The following BPTF variants were observed in gnomAD, a reference collection of about 807,000 sequenced individuals.
The protein encoded by BPTF is bromodomain PHD finger transcription factor, also known as nucleosome-remodeling factor subunit BPTF.
In BPTF, 18 loss-of-function variants were observed where a neutral mutation model predicts 292.5. That is an observed-to-expected ratio of 0.06 (90% CI 0.04 to 0.09). The LOEUF is 0.09. BPTF is among the 10% of genes least tolerant of loss of function. BPTF has a pLI of 1.00. For missense variants in BPTF, 2,726 were observed against 3,498.7 expected (o/e 0.78, Z 5.57); for synonymous variants, 1,225 against 1,251.9 (o/e 0.98, Z 0.45).
At chr17:67,870,927 G>T (rs926759414) in intron 3 of BPTF, among the ~76,000 whole-genome samples, 30 of 151,046 alleles carry the variant, frequency 2.0e-4, no homozygotes, top group African/African-American at 7.3e-4. Flanking sequence ...CCGCCACTAC[G>T]CCCGGCTAAT....
intron 19 of BPTF, among the ~76,000 whole-genome samples, chr17:67,943,049 A>C (rs1333786847): frequency 6.6e-6 from 1 of 152,168 alleles, no homozygotes. Flanking sequence ...CCTAAGATAC[A>C]TACCGAAGTA....
intron 18 of BPTF, among the ~76,000 whole-genome samples, chr17:67,939,641 G>T (rs1326075373): frequency 6.6e-6 from 1 of 152,194 alleles, no homozygotes; most frequent in Non-Finnish European, 1.5e-5. Flanking sequence ...ACTTTGGGAG[G>T]CCAAGGCGGG....
chr17:67,860,938 C>T (rs1282551739), intron 2 of BPTF, among the ~76,000 whole-genome samples: 1 of 152,158 alleles, frequency 6.6e-6, no homozygotes, highest in East Asian at 1.9e-4. Flanking sequence ...CTTTCTACTC[C>T]CCATTCTAGG....
At chr17:67,967,317 T>C (rs1555688071) in intron 26 of BPTF, among the ~76,000 whole-genome samples, 1 of 150,400 alleles carries the variant, frequency 6.6e-6, no homozygotes, top group East Asian at 2.1e-4. Context: ...AATTTTTATA[T>C]TTTTTGTAGA....
intron 12 of BPTF, among the ~76,000 whole-genome samples, chr17:67,919,176 TAATAA>T (rs2063259844): frequency 2.5e-5 from 1 of 40,260 alleles, no homozygotes; most frequent in Admixed American, 2.3e-4. Flanking sequence ...TGTCTCAAAA[TAATAA>T]TAATAATAAT....
chr17:67,925,267 C>T (rs1323609916), intron 15 of BPTF, among the ~76,000 whole-genome samples: 1 of 151,984 alleles, frequency 6.6e-6, no homozygotes, highest in East Asian at 1.9e-4. Flanking sequence ...TGGAAAATTT[C>T]TGTAGTCTAT....
At position 67,934,840 on chromosome 17, in the gene BPTF, C is replaced by T. The variant is rs1238572351; in HGVS notation, c.6259+2821C>T. Among the ~76,000 whole-genome samples, 7 of 129,944 alleles carry T rather than the reference C, an allele frequency of 5.4e-5. No individual in the cohort carries two copies. In the East Asian group the frequency reaches 1.6e-3, roughly 29 times the overall value. The allele number at this position is 129,944 out of a possible 152,430, so 85.2% of individuals were successfully genotyped here. ...TGAGCCAAGATGGTGCCATCGCACT[C>T]CAGCCTGAGCAATGAGCGAAACTCT... is the stretch of plus-strand genomic sequence containing the variant. On this transcript the variant is annotated intron_variant, in intron 18 of 27. Transcript: ENST00000306378.
Position 67,826,132 on chromosome 17 carries a change from A to AGAG in BPTF, c.414_416dup (p.Glu138dup), listed in dbSNP as rs2055997364. ...ACCACGAGAGCGAGGAGGAGGAGGA[A>AGAG]GAGGAGGACATGGTCTCCGAGGAGG... is the stretch of plus-strand genomic sequence containing the variant. On this transcript the variant is annotated inframe_insertion, in exon 1 of 28. Transcript: ENST00000306378. 7.0e-7 allele frequency: 1 copy of AGAG among 1,432,846 alleles called. No homozygotes were observed. Among genetic ancestry groups the AGAG allele is most frequent in the African/African-American group, 1.4e-5 (1 of 71,192 alleles). 88.8% of individuals were successfully genotyped at this position (1,432,846 alleles called of 1,614,324 possible).
intron 1 of BPTF, among the ~76,000 whole-genome samples, chr17:67,839,719 T>C (rs1274191063): frequency 1.3e-5 from 2 of 152,242 alleles, no homozygotes; most frequent in Non-Finnish European, 2.9e-5. Flanking sequence ...CAGTTATCTC[T>C]GGTTTTTGGC....
chr17:67,849,748 G>C (rs1484222408), intron 1 of BPTF, among the ~76,000 whole-genome samples: 1 of 151,986 alleles, frequency 6.6e-6, no homozygotes, highest in East Asian at 1.9e-4. Context: ...GACCAGCCTG[G>C]CCAACATGGG....
chr17:67,825,746 C>T lies in BPTF; in HGVS notation c.22C>T (p.Pro8Ser). 1 of 1,044,572 alleles carries T rather than the reference C, an allele frequency of 9.6e-7. No individual in the cohort carries two copies. The highest frequency in any genetic ancestry group is 5.6e-5 in the Admixed American group (1 of 17,788). The allele number at this position is 1,044,572 out of a possible 1,614,324, so 64.7% of individuals were successfully genotyped here. ...CGACATGAGGGGCCGGCGGGGCAGG[C>T]CGCCCAAGCAGCCCGCGGCTCCCGC... MRGRRGR[P>S]PKQPAAPAAE... Residue 8 changes from proline to serine, a missense_variant, in exon 1 of 28, where the codon CCG becomes TCG. Pro to Ser is a moderately conservative substitution (Grantham distance 74). Around this residue, in one of 22 missense-constraint regions of BPTF, gnomAD observed 31 missense variants for 53.6 expected, o/e 0.58. Transcript: ENST00000306378.
At chr17:67,840,446 G>A (rs1245538086) in intron 1 of BPTF, among the ~76,000 whole-genome samples, 1 of 147,990 alleles carries the variant, frequency 6.8e-6, no homozygotes, top group Non-Finnish European at 1.5e-5. Flanking sequence ...TAATTGGGTT[G>A]CTGCTGCTCC....
At chr17:67,888,623 A>G (rs972889380) in intron 4 of BPTF, among the ~76,000 whole-genome samples, 1 of 151,094 alleles carries the variant, frequency 6.6e-6, no homozygotes, top group Admixed American at 6.6e-5. Context: ...ATTAAATTCC[A>G]GTAGATCTCG....
At chr17:67,832,783 CTTT>C in intron 1 of BPTF, among the ~76,000 whole-genome samples, 1 of 101,642 alleles carries the variant, frequency 9.8e-6, no homozygotes, top group Admixed American at 1.2e-4. Context: ...TGATTCGCCT[CTTT>C]TTTTTTTTTT....
rs1336664258 is a variant in BPTF, at chr17:67,938,068, G to A, written c.6260-2371G>A. On this transcript the variant is annotated intron_variant, in intron 18 of 27. Coordinates refer to ENST00000306378, the MANE Select transcript of BPTF (RefSeq NM_182641.4). Reference sequence around the variant, plus strand: ...GCAGAAGTTGCAGTGAGCTGAGACCGCCCCTCAGCCTGGGCAATAGAGCGA... The same window carrying A: ...GCAGAAGTTGCAGTGAGCTGAGACCACCCCTCAGCCTGGGCAATAGAGCGA... Among the ~76,000 whole-genome samples, 6 of 152,340 alleles carry A rather than the reference G, an allele frequency of 3.9e-5. No individual in the cohort carries two copies. In the East Asian group the frequency reaches 9.6e-4, roughly 24 times the overall value.
intron 7 of BPTF, among the ~76,000 whole-genome samples, chr17:67,895,062 T>C (rs1376267884): frequency 3.3e-5 from 5 of 152,170 alleles, no homozygotes; most frequent in Admixed American, 3.3e-4. Context: ...CAATCTTTTC[T>C]ACAGAGTCCA....
intron 18 of BPTF, among the ~76,000 whole-genome samples, chr17:67,933,371 A>T (rs1465926484): frequency 6.6e-6 from 1 of 151,838 alleles, no homozygotes; most frequent in Non-Finnish European, 1.5e-5. Flanking sequence ...GGAGTTGGAG[A>T]CCAGTCTGGG....
chr17:67,847,470 C>T (rs369839650), intron 1 of BPTF, among the ~76,000 whole-genome samples: 7 of 151,464 alleles, frequency 4.6e-5, no homozygotes, highest in Non-Finnish European at 8.8e-5. Context: ...GCAGAGGTCG[C>T]GCCACTGCAC....
chr17:67,967,031 C>T (rs550903226), intron 26 of BPTF, among the ~76,000 whole-genome samples: 6 of 150,862 alleles, frequency 4.0e-5, no homozygotes, highest in South Asian at 2.1e-4. Flanking sequence ...ACCAGGGAGG[C>T]GGAGGTTGCA....
Sources: allele counts gnomAD v4.1 joint callset (sites outside exome capture counted in the v4.1 genomes callset), GRCh38; gene constraint gnomAD v4.1.1; regional missense constraint gnomAD v4.1.1; transcripts MANE v1.5; gene names NCBI Gene and HGNC (gene_info 2026-07-23, HGNC 2026-07-21).